The following DOK6 variants were observed in gnomAD, a reference collection of about 807,000 sequenced individuals.
DOK6 encodes docking protein 6, also known as downstream of tyrosine kinase 6.
A neutral mutation model predicts 44.0 loss-of-function variants in DOK6; 22 were observed. The observed-to-expected ratio is 0.50, with a 90% CI of 0.36 to 0.71. The LOEUF (loss-of-function observed/expected upper bound fraction) is 0.71, where lower values mean the gene tolerates loss of function less well. DOK6 is among the 30% of genes least tolerant of loss of function. The pLI, the probability that DOK6 is intolerant of heterozygous loss-of-function variation, is 0.00. For synonymous variants in DOK6, 166 were observed against 145.5 expected (o/e 1.14, Z -1.01); for missense variants, 340 against 416.4 (o/e 0.82, Z 1.60).
intron 7 of DOK6, among the ~76,000 whole-genome samples, chr18:69,830,436 G>A (rs1325542225): frequency 1.3e-5 from 2 of 152,024 alleles, no homozygotes; most frequent in Non-Finnish European, 2.9e-5. Flanking sequence ...AGGAGATTAG[G>A]ACAACTGACA....
intron 5 of DOK6, among the ~76,000 whole-genome samples, chr18:69,703,778 C>A (rs1337584169): frequency 1.3e-5 from 2 of 152,128 alleles, no homozygotes; most frequent in African/African-American, 2.4e-5. Context: ...ATTGTTTCTC[C>A]CCAAAATTCA....
intron 5 of DOK6, among the ~76,000 whole-genome samples, chr18:69,722,358 G>C (rs1978290115): frequency 6.6e-6 from 1 of 152,198 alleles, no homozygotes; most frequent in South Asian, 2.1e-4. Context: ...CTCATTAAGT[G>C]TAAGCCTACT....
intron 4 of DOK6, among the ~76,000 whole-genome samples, chr18:69,695,977 G>C (rs1331099302): frequency 6.6e-6 from 1 of 152,104 alleles, no homozygotes; most frequent in South Asian, 2.1e-4. Flanking sequence ...TCACCTGCTG[G>C]TATTGACTAG....
chr18:69,580,849 C>G (rs1211359766), intron 2 of DOK6, among the ~76,000 whole-genome samples: 1 of 152,098 alleles, frequency 6.6e-6, no homozygotes, highest in African/African-American at 2.4e-5. Context: ...CAACCCTTCC[C>G]AGCCTCTAAT....
chr18:69,632,630 C>T (rs1984715132), intron 3 of DOK6, among the ~76,000 whole-genome samples: 1 of 152,176 alleles, frequency 6.6e-6, no homozygotes, highest in African/African-American at 2.4e-5. Flanking sequence ...GTCCTCTTGA[C>T]TGGTAGCAAG....
At chr18:69,627,882 G>T (rs1984595360) in intron 3 of DOK6, among the ~76,000 whole-genome samples, 1 of 152,146 alleles carries the variant, frequency 6.6e-6, no homozygotes, top group African/African-American at 2.4e-5. Flanking sequence ...TTTTGGGACA[G>T]CACTCTTTTT....
At chr18:69,709,448 T>C (rs1015746696) in intron 5 of DOK6, among the ~76,000 whole-genome samples, 5 of 152,218 alleles carry the variant, frequency 3.3e-5, no homozygotes, top group African/African-American at 1.2e-4. Flanking sequence ...TGGATTCAAG[T>C]CATCTACTTT....
intron 7 of DOK6, among the ~76,000 whole-genome samples, chr18:69,761,673 CAG>C (rs1443094559): frequency 2.0e-5 from 3 of 152,056 alleles, no homozygotes; most frequent in African/African-American, 7.2e-5. Context: ...CCAAGGGAGA[CAG>C]GGGCAGGATT....
chr18:69,405,672 C>T (rs1916193447), intron 1 of DOK6, among the ~76,000 whole-genome samples: 1 of 151,996 alleles, frequency 6.6e-6, no homozygotes, highest in South Asian at 2.1e-4. Context: ...GTCCTTTAGA[C>T]CATTTTACAA....
chr18:69,654,373 C>A (rs1985309270), intron 3 of DOK6, among the ~76,000 whole-genome samples: 1 of 152,130 alleles, frequency 6.6e-6, no homozygotes, highest in African/African-American at 2.4e-5. Context: ...CAGGGACACA[C>A]ACATGCAGAC....
chr18:69,767,184 A>T (rs1979743626), intron 7 of DOK6, among the ~76,000 whole-genome samples: 1 of 152,132 alleles, frequency 6.6e-6, no homozygotes, highest in South Asian at 2.1e-4. Flanking sequence ...GTGAGCCAAG[A>T]TTGCACCACT....
At chr18:69,455,385 A>G (rs1018824123) in intron 1 of DOK6, among the ~76,000 whole-genome samples, 1 of 152,188 alleles carries the variant, frequency 6.6e-6, no homozygotes, top group Non-Finnish European at 1.5e-5. Flanking sequence ...TTAAGTCTGA[A>G]GAAAGCTTTT....
At chr18:69,766,966 C>T (rs1979735935) in intron 7 of DOK6, among the ~76,000 whole-genome samples, 1 of 152,150 alleles carries the variant, frequency 6.6e-6, no homozygotes, top group East Asian at 1.9e-4. Context: ...GTGGCTCACT[C>T]CTGTAATTCC....
chr18:69,695,757 G>A (rs569281772), intron 4 of DOK6, among the ~76,000 whole-genome samples: 30 of 152,280 alleles, frequency 2.0e-4, no homozygotes, highest in African/African-American at 6.3e-4. Context: ...GCTGTTAGGA[G>A]AGAATAGATT....
chr18:69,834,553 G>A (rs992455812), intron 7 of DOK6, among the ~76,000 whole-genome samples: 1 of 152,144 alleles, frequency 6.6e-6, no homozygotes, highest in African/African-American at 2.4e-5. Flanking sequence ...CACAAAAAGA[G>A]ATAAATGCTT....
chr18:69,766,402 G>T (rs749736499), intron 7 of DOK6, among the ~76,000 whole-genome samples: 1 of 152,086 alleles, frequency 6.6e-6, no homozygotes, highest in Non-Finnish European at 1.5e-5. Context: ...AAGAAAAGTC[G>T]AAATTGTTTA....
chr18:69,419,228 A>G (rs1442659), intron 1 of DOK6, among the ~76,000 whole-genome samples: 8,272 of 152,282 alleles, frequency 0.054, 262 homozygotes, highest in Middle Eastern at 0.13. Context: ...TCTATTTTGT[A>G]ACTGCAGTAA....
intron 4 of DOK6, among the ~76,000 whole-genome samples, chr18:69,684,687 T>C (rs1229281793): frequency 6.6e-6 from 1 of 152,186 alleles, no homozygotes; most frequent in Non-Finnish European, 1.5e-5. Flanking sequence ...TATATCATCC[T>C]GTATAAATTG....
chr18:69,793,740 A>G (rs1460525143), intron 7 of DOK6, among the ~76,000 whole-genome samples: 1 of 152,142 alleles, frequency 6.6e-6, no homozygotes, highest in Non-Finnish European at 1.5e-5. Flanking sequence ...GAGAGAAAAG[A>G]TTTCTTAGAA....
Sources: gnomAD v4.1 joint callset for allele counts (sites outside exome capture counted in the v4.1 genomes callset) on GRCh38, gnomAD v4.1.1 for gene constraint, MANE v1.5 for transcripts, NCBI Gene and HGNC (gene_info 2026-07-23, HGNC 2026-07-21) for gene names.